HHEX: variants seen among roughly 807,000 people sequenced by gnomAD.
The protein encoded by HHEX is hematopoietically-expressed homeobox protein HHEX.
In HHEX, 8 loss-of-function variants were observed where a neutral mutation model predicts 27.0. The observed-to-expected ratio is 0.30, with a 90% CI of 0.17 to 0.54. The LOEUF (loss-of-function observed/expected upper bound fraction) is 0.54. HHEX is among the 20% of genes least tolerant of loss of function. The pLI is 0.95. For synonymous variants in HHEX, 164 were observed against 161.5 expected, an observed-to-expected ratio of 1.02 and a Z score of -0.12; for missense variants, 326 against 357.2, an observed-to-expected ratio of 0.91 and a Z score of 0.70.
rs764354010 is a variant in HHEX at position 92,692,348 on chromosome 10, G to C, written c.362-20G>C. On this transcript the variant is annotated intron_variant, in intron 1 of 3. Coordinates refer to ENST00000282728, the MANE Select transcript of HHEX (RefSeq NM_002729.5). Reference sequence around the variant, plus strand: ...GGCCGCTCCAGGGCAGTGGGTGAGCGCCGCTCTTCCCGCTCGCAGGCAAAC... The same window carrying C: ...GGCCGCTCCAGGGCAGTGGGTGAGCCCCGCTCTTCCCGCTCGCAGGCAAAC... The C allele has an allele frequency of 2.9e-5, 47 of 1,611,250 alleles. No homozygotes were observed. Among genetic ancestry groups the C allele is most frequent in the Non-Finnish European group, 3.6e-5 (42 of 1,179,494 alleles).
In HHEX at chr10:92,690,300, G is replaced by A; in HGVS notation, c.314G>A (p.Arg105Gln). The change falls in exon 1 of 4, where the codon CGG becomes CAG. Residue 105 changes from arginine to glutamine, a missense_variant. By Grantham distance (43) the Arg-to-Gln change is conservative. This residue lies in a region of HHEX where 215 missense variants were observed against 196.4 expected (regional missense o/e 1.09). Coordinates refer to ENST00000282728, the MANE Select transcript of HHEX (RefSeq NM_002729.5). Reference sequence around the variant, plus strand: ...GGGGGCCCTCTGTACCCCTTCCCGCGGACGGTGAACGACTACACGCACGCC... The same window carrying A: ...GGGGGCCCTCTGTACCCCTTCCCGCAGACGGTGAACGACTACACGCACGCC... Reference protein sequence around the residue: ...GFGGPLYPFPRTVNDYTHALL... With the variant: ...GFGGPLYPFPQTVNDYTHALL... The A allele has an allele frequency of 6.5e-7, 1 of 1,545,956 alleles. No individual in the cohort carries two copies. The highest frequency in any genetic ancestry group is 8.7e-7 in the Non-Finnish European group (1 of 1,145,300).
At chr10:92,692,174 G>C in intron 1 of HHEX, 194 bp from the exon 2 acceptor site, 1 of 574,520 alleles carries the variant, frequency 1.7e-6, no homozygotes, top group Non-Finnish European at 3.1e-6. Context: ...TGCATCTGCG[G>C]TGTCAGTGTG....
chr10:92,690,899 C>CGACATCCTCAATACA (rs1414508507), intron 1 of HHEX, among the ~76,000 whole-genome samples: 1 of 152,214 alleles, frequency 6.6e-6, no homozygotes, highest in East Asian at 1.9e-4. Flanking sequence ...ATTATTTTAT[C>CGACATCCTCAATACA]GACATCCTCA....
intron 3 of HHEX, among the ~76,000 whole-genome samples, chr10:92,693,388 AAAG>A (rs1247751131): frequency 6.6e-6 from 1 of 152,240 alleles, no homozygotes; most frequent in African/African-American, 2.4e-5. Flanking sequence ...TTAGTTTTTA[AAAG>A]AAGGTCTATT....
chr10:92,691,386 A>C (rs1311214792), intron 1 of HHEX, among the ~76,000 whole-genome samples: 1 of 152,198 alleles, frequency 6.6e-6, no homozygotes, highest in Non-Finnish European at 1.5e-5. Context: ...TGTTATTGGA[A>C]GCTTCAGTAG....
At chr10:92,694,470 A>G in intron 3 of HHEX, 77 bp from the exon 4 acceptor site, 1 of 1,040,872 alleles carries the variant, frequency 9.6e-7, no homozygotes, top group Non-Finnish European at 1.4e-6. Context: ...TAGGATGAAG[A>G]GACATTTTGA....
intron 1 of HHEX, 79 bp from the exon 2 acceptor site, chr10:92,692,289 A>G: frequency 6.7e-7 from 1 of 1,488,462 alleles, no homozygotes; most frequent in Non-Finnish European, 9.1e-7. Flanking sequence ...TACCTTTGTC[A>G]TCCCTGGGGC....
chr10:92,690,145 C>A lies in HHEX; in HGVS notation c.159C>A (p.Ser53=). Residue 53 remains serine, a synonymous_variant, in exon 1 of 4, where the codon TCC becomes TCA. Coordinates refer to ENST00000282728, the MANE Select transcript of HHEX (RefSeq NM_002729.5). ...AAPTPAPTLP[S]PNSSFTSLVS... ...CCACGCCCGCCCCCACGCTGCCGTC[C>A]CCCAACTCCTCCTTCACCAGCCTCG... 6.4e-7 allele frequency: 1 copy of A among 1,552,206 alleles called. No individual in the cohort carries two copies. Among genetic ancestry groups the A allele is most frequent in the East Asian group, 2.4e-5 (1 of 41,022 alleles).
At chr10:92,692,662 C>T in intron 2 of HHEX, 40 bp from the exon 3 acceptor site, 2 of 1,610,358 alleles carry the variant, frequency 1.2e-6, no homozygotes, top group African/African-American at 1.3e-5. Context: ...CACGTCCCGA[C>T]GCGGGCTCGT....
Position 92,692,346 on chromosome 10 carries a change from G to A in HHEX, c.362-22G>A, listed in dbSNP as rs570047324. ...CAGGCCGCTCCAGGGCAGTGGGTGA[G>A]CGCCGCTCTTCCCGCTCGCAGGCAA... is the stretch of plus-strand genomic sequence containing the variant. On this transcript the variant is annotated intron_variant, in intron 1 of 3. Coordinates refer to ENST00000282728, the MANE Select transcript of HHEX (RefSeq NM_002729.5). 2.5e-6 allele frequency: 4 copies of A among 1,611,108 alleles called. No homozygotes were observed. The East Asian group carries it at 8.9e-5, about 36-fold the overall frequency.
At position 92,690,097 on chromosome 10, in the gene HHEX, C is replaced by T. The variant is rs555996923; in HGVS notation, c.111C>T (p.Ile37=). The T allele has an allele frequency of 2.9e-5, 45 of 1,547,920 alleles. No homozygotes were observed. The Admixed American group carries it at 3.3e-4, about 11-fold the overall frequency. ...CGACGCCCTTTTACATCGAGGACAT[C>T]CTGGGCCGCGGGCCCGCCGCGCCCA... ...AHPTPFYIED[I]LGRGPAAPTP... The change falls in exon 1 of 4, where the codon ATC becomes ATT. Residue 37 remains isoleucine, a synonymous_variant. Transcript: ENST00000282728.
intron 1 of HHEX, chr10:92,692,152 T>G: frequency 1.8e-6 from 1 of 547,666 alleles, no homozygotes; most frequent in Admixed American, 3.2e-5. Flanking sequence ...TCTGTGTGTG[T>G]ACAAGGCTGT....
intron 3 of HHEX, 107 bp downstream of exon 3, chr10:92,692,859 C>T (rs1845371629): frequency 3.3e-6 from 3 of 902,972 alleles, no homozygotes; most frequent in Non-Finnish European, 5.3e-6. Context: ...ACTATTTAAC[C>T]TCTTCACCTT....
chr10:92,690,434 G>A (rs1845342073), intron 1 of HHEX, 87 bp downstream of exon 1: 2 of 1,347,514 alleles, frequency 1.5e-6, no homozygotes, highest in South Asian at 1.6e-5. Context: ...AAGGGGGCAG[G>A]CGGTAGACGG....
At chr10:92,692,047 G>C (rs1027279360) in intron 1 of HHEX, 1 of 213,348 alleles carries the variant, frequency 4.7e-6, no homozygotes, top group Admixed American at 5.4e-5. Flanking sequence ...GGGGAAAGAG[G>C]GTCGTGGTAT....
intron 1 of HHEX, among the ~76,000 whole-genome samples, chr10:92,690,946 G>C (rs1845348885): frequency 6.6e-6 from 1 of 152,208 alleles, no homozygotes; most frequent in Admixed American, 6.5e-5. Flanking sequence ...ACTTCTGATA[G>C]CCGGGATCCG....
chr10:92,690,158 T>A lies in HHEX; in HGVS notation c.172T>A (p.Phe58Ile). Residue 58 changes from phenylalanine (F) to isoleucine (I), a missense_variant, in exon 1 of 4, where the codon TTC becomes ATC. Coordinates refer to ENST00000282728, the MANE Select transcript of HHEX (RefSeq NM_002729.5). Reference sequence around the variant, plus strand: ...CACGCTGCCGTCCCCCAACTCCTCCTTCACCAGCCTCGTGTCCCCCTACCG... The same window carrying A: ...CACGCTGCCGTCCCCCAACTCCTCCATCACCAGCCTCGTGTCCCCCTACCG... ...APTLPSPNSS[F>I]TSLVSPYRTP... The A allele has an allele frequency of 1.3e-6, 2 of 1,555,816 alleles. No homozygotes were observed. Among genetic ancestry groups the A allele is most frequent in the Non-Finnish European group, 1.7e-6 (2 of 1,150,476 alleles).
At position 92,692,699 on chromosome 10, in the gene HHEX, T is replaced by C. The variant is rs1243685388; in HGVS notation, c.541-3T>C. The C allele has an allele frequency of 6.2e-7, 1 of 1,613,778 alleles. No individual in the cohort carries two copies. Among genetic ancestry groups the C allele is most frequent in the South Asian group, 1.1e-5 (1 of 91,074 alleles). On this transcript the variant is annotated splice_polypyrimidine_tract_variant and splice_region_variant and intron_variant, in intron 2 of 3. Coordinates refer to ENST00000282728, the MANE Select transcript of HHEX (RefSeq NM_002729.5). ...GCAAGTTTTCTTTCTCTCTTTCCTG[T>C]AGGTCAAAACCTGGTTTCAGAATCG...
chr10:92,690,487 G>A (rs1845342763), intron 1 of HHEX, 140 bp downstream of exon 1: 1 of 1,075,634 alleles, frequency 9.3e-7, no homozygotes, highest in African/African-American at 1.7e-5. Flanking sequence ...GGCACGCGCG[G>A]GGACGGGAGG....
Sources: gnomAD v4.1 joint callset for allele counts (sites outside exome capture counted in the v4.1 genomes callset) on GRCh38, gnomAD v4.1.1 for gene constraint, gnomAD v4.1.1 regional missense constraint, MANE v1.5 for transcripts, NCBI Gene and HGNC (gene_info 2026-07-23, HGNC 2026-07-21) for gene names.